The following COL5A1 variants were observed in gnomAD, a reference collection of about 807,000 sequenced individuals.
COL5A1 encodes collagen alpha-1(V) chain.
Under a neutral mutation model 263.7 loss-of-function variants are expected in COL5A1, and 16 were observed. The observed-to-expected ratio is 0.06, with a 90% CI of 0.04 to 0.09. COL5A1 has a LOEUF of 0.09. COL5A1 is among the 10% of genes least tolerant of loss of function. The pLI, the probability that COL5A1 is intolerant of heterozygous loss-of-function variation, is 1.00. For synonymous variants in COL5A1, 1,012 were observed against 1,004.5 expected, an observed-to-expected ratio of 1.01 and a Z score of -0.14; for missense variants, 2,036 against 2,540.5, an observed-to-expected ratio of 0.80 and a Z score of 4.27.
chr9:134,697,909 C>T (rs1296332210), intron 2 of COL5A1, among the ~76,000 whole-genome samples: 1 of 152,106 alleles, frequency 6.6e-6, no homozygotes, highest in Non-Finnish European at 1.5e-5. Context: ...CATGGTGAAA[C>T]CCCGTCTCTA....
intron 4 of COL5A1, among the ~76,000 whole-genome samples, chr9:134,720,685 G>A (rs959180823): frequency 6.6e-6 from 1 of 152,148 alleles, no homozygotes; most frequent in Non-Finnish European, 1.5e-5. Flanking sequence ...ACAGCCTGGA[G>A]GGGGTCAGGG....
chr9:134,681,019 C>T lies in COL5A1; in HGVS notation c.110-9893C>T, dbSNP rs534003960. On this transcript the variant is annotated intron_variant, in intron 1 of 65. Transcript: ENST00000371817. The surrounding 1 kb of genome is among the most constrained non-coding windows in gnomAD (Gnocchi z 4.3). Reference sequence around the variant, plus strand: ...TCGGCCTGTGCTGCAGCCCCAGGCCCTCTGTGCATTTCCCACCCCCTGCCC... The same window carrying T: ...TCGGCCTGTGCTGCAGCCCCAGGCCTTCTGTGCATTTCCCACCCCCTGCCC... Among the ~76,000 whole-genome samples the T allele has an allele frequency of 6.6e-6, 1 of 152,134 alleles. No homozygotes were observed. The highest frequency in any genetic ancestry group is 2.1e-4 in the South Asian group (1 of 4,828).
chr9:134,800,929 A>G (rs771223982), intron 37 of COL5A1, among the ~76,000 whole-genome samples: 2 of 152,116 alleles, frequency 1.3e-5, no homozygotes, highest in Non-Finnish European at 2.9e-5. Flanking sequence ...TCCAGCGTCT[A>G]GAGTTTGCCT....
At chr9:134,761,837 C>G (rs981398804) in intron 18 of COL5A1, 88 bp from the exon 19 acceptor site, 21 of 1,296,562 alleles carry the variant, frequency 1.6e-5, no homozygotes, top group Non-Finnish European at 2.1e-5. Context: ...ATCTTACTGT[C>G]AGAATTAGAG....
At chr9:134,769,753 G>A (rs892410750) in intron 25 of COL5A1, among the ~76,000 whole-genome samples, 9 of 152,094 alleles carry the variant, frequency 5.9e-5, no homozygotes, top group Non-Finnish European at 1.3e-4. Context: ...TGTGAAGTGG[G>A]CTGTACCCCT....
intron 4 of COL5A1, among the ~76,000 whole-genome samples, chr9:134,721,564 C>T (rs1402185782): frequency 2.0e-5 from 3 of 152,146 alleles, no homozygotes; most frequent in Non-Finnish European, 4.4e-5. Context: ...CAGGGGTGGC[C>T]CAGGGCAGAG....
intron 57 of COL5A1, 133 bp downstream of exon 57, chr9:134,819,186 A>T: frequency 1.0e-6 from 1 of 983,272 alleles, no homozygotes; most frequent in Non-Finnish European, 1.6e-6. Flanking sequence ...GGTGGTGGGG[A>T]ACCTGAGGGG....
At chr9:134,690,820 G>T (rs1175684984) in intron 1 of COL5A1, 92 bp from the exon 2 acceptor site, 3 of 1,459,398 alleles carry the variant, frequency 2.1e-6, no homozygotes, top group South Asian at 1.2e-5. Context: ...AGTGGTGGGG[G>T]TGGGGGTGCT....
chr9:134,671,762 T>C (rs150426199), intron 1 of COL5A1, among the ~76,000 whole-genome samples: 2 of 152,338 alleles, frequency 1.3e-5, no homozygotes, highest in East Asian at 1.9e-4. Context: ...TTGCAGCATT[T>C]AATAGGTGCT....
intron 29 of COL5A1, 63 bp downstream of exon 29, chr9:134,782,783 G>A: frequency 7.1e-7 from 1 of 1,416,700 alleles, no homozygotes; most frequent in South Asian, 1.1e-5. Context: ...CGTGTGGGAG[G>A]GGGTGGGGAT....
chr9:134,747,334 G>A, intron 11 of COL5A1, among the ~76,000 whole-genome samples: 1 of 152,222 alleles, frequency 6.6e-6, no homozygotes, highest in East Asian at 1.9e-4. Context: ...TGAAAAGAGG[G>A]TCTTTGGAAA....
At chr9:134,670,680 CACAT>C (rs1161962899) in intron 1 of COL5A1, among the ~76,000 whole-genome samples, 1 of 152,200 alleles carries the variant, frequency 6.6e-6, no homozygotes, top group Non-Finnish European at 1.5e-5. Context: ...AGTGGAAACT[CACAT>C]GCATGTAGAG....
chr9:134,761,394 G>C (rs1836436308), intron 18 of COL5A1, among the ~76,000 whole-genome samples: 1 of 152,210 alleles, frequency 6.6e-6, no homozygotes, highest in African/African-American at 2.4e-5. Context: ...GAAGGGGCTT[G>C]GCTGTTGCCA....
At position 134,831,872 on chromosome 9, in the gene COL5A1, G is replaced by A. The variant is rs12352418; in HGVS notation, c.5136+1828G>A. Among the ~76,000 whole-genome samples, 1,424 of 152,234 alleles carry A rather than the reference G, an allele frequency of 9.4e-3. 26 individuals carry two copies. The highest frequency in any genetic ancestry group is 0.033 in the African/African-American group (1,380 of 41,530). ...AGGTTGGGGTGAAGGGACGACCCAG[G>A]GAACACATCAGCTTACTTTAGGATC... On this transcript the variant is annotated intron_variant, in intron 64 of 65. Transcript: ENST00000371817.
chr9:134,839,189 G>GCAA (rs1839941735), intron 65 of COL5A1, among the ~76,000 whole-genome samples: 1 of 152,238 alleles, frequency 6.6e-6, no homozygotes, highest in Non-Finnish European at 1.5e-5. Flanking sequence ...CGGGCCCAGT[G>GCAA]GAGAGGCACA....
At chr9:134,826,576 C>G (rs1281160448) in intron 63 of COL5A1, among the ~76,000 whole-genome samples, 2 of 63,246 alleles carry the variant, frequency 3.2e-5, no homozygotes, top group Non-Finnish European at 6.3e-5. Context: ...TGTGTAGATG[C>G]TGTGTGGTTT....
Position 134,765,614 on chromosome 9 carries a change from AGG to A in COL5A1, c.2035-64_2035-63del. Reference sequence around the variant, plus strand: ...GGTGGAGTCAGGGCCAAGTGGGCATAGGGGACAGAGAGGAGGGCTGGGATTTC... The same window carrying A: ...GGTGGAGTCAGGGCCAAGTGGGCATAGGACAGAGAGGAGGGCTGGGATTTC... On this transcript the variant is annotated intron_variant, in intron 20 of 65. Transcript: ENST00000371817. This position sits in a 1 kb window ranked among gnomAD's most constrained non-coding sequence, Gnocchi z 5.1. 3 of 1,439,486 alleles carry A rather than the reference AGG, an allele frequency of 2.1e-6. No homozygotes were observed. Among genetic ancestry groups the A allele is most frequent in the Non-Finnish European group, 2.9e-6 (3 of 1,022,156 alleles). 89.2% of individuals were successfully genotyped at this position (1,439,486 alleles called of 1,614,324 possible). A position where few individuals can be genotyped will look rare whatever the true frequency, so the allele number is the denominator to read the frequency against.
intron 64 of COL5A1, among the ~76,000 whole-genome samples, chr9:134,831,412 T>C (rs1011452496): frequency 7.2e-5 from 11 of 152,212 alleles, no homozygotes; most frequent in East Asian, 1.9e-4. Context: ...TTTCCTCTCC[T>C]GCTTTTCCTT....
intron 11 of COL5A1, among the ~76,000 whole-genome samples, chr9:134,747,236 G>A (rs377733637): frequency 2.6e-5 from 4 of 152,164 alleles, no homozygotes; most frequent in African/African-American, 4.8e-5. Context: ...TCCGGGTGTC[G>A]GTGAGAAGCG....
Sources: gnomAD v4.1 joint callset for allele counts (sites outside exome capture counted in the v4.1 genomes callset) on GRCh38, gnomAD v4.1.1 for gene constraint, Gnocchi (gnomAD v3.1) non-coding constraint, MANE v1.5 for transcripts, NCBI Gene and HGNC (gene_info 2026-07-23, HGNC 2026-07-21) for gene names.